Variants in BOD1L1 observed in about 807,000 individuals in gnomAD.
The protein encoded by BOD1L1 is biorientation of chromosomes in cell division protein 1-like 1.
BOD1L1 carries 86 observed loss-of-function variants against 240.7 expected under a neutral mutation model. That is an observed-to-expected ratio of 0.36 (90% CI 0.30 to 0.43). The LOEUF is 0.43. BOD1L1 is among the 20% of genes least tolerant of loss of function. The pLI is 1.00. For missense variants in BOD1L1, 3,554 were observed against 3,643.5 expected (o/e 0.98, Z 0.63); for synonymous variants, 1,268 against 1,272.3 (o/e 1.00, Z 0.07).
chr4:13,583,985 C>T (rs1192250392), intron 17 of BOD1L1, among the ~76,000 whole-genome samples: 3 of 152,150 alleles, frequency 2.0e-5, no homozygotes, highest in Non-Finnish European at 4.4e-5. Context: ...GACAGTACTA[C>T]ATAACTAGGT....
chr4:13,608,693 C>T (rs538874437), intron 7 of BOD1L1, 25 bp from the exon 8 acceptor site: 33 of 1,387,984 alleles, frequency 2.4e-5, no homozygotes, highest in South Asian at 1.1e-4. Context: ...ATCAATAAAA[C>T]GTATTTCAGA....
At chr4:13,614,873 A>G in intron 3 of BOD1L1, 63 bp from the exon 4 acceptor site, 1 of 1,445,176 alleles carries the variant, frequency 6.9e-7, no homozygotes, top group Non-Finnish European at 9.2e-7. Flanking sequence ...CTGCTAAATC[A>G]ATACCACATG....
Position 13,604,882 on chromosome 4 carries a change from G to A in BOD1L1, c.2018C>T (p.Thr673Ile). The change falls in exon 10 of 26, where the codon ACA (threonine) becomes ATA (isoleucine). Residue 673 changes from threonine to isoleucine, a missense_variant. Thr to Ile is a moderately conservative substitution (Grantham distance 89, BLOSUM62 -1). Coordinates refer to ENST00000040738, the MANE Select transcript of BOD1L1 (RefSeq NM_148894.3). ...IMEGVQEETDTRDVKRQVERS... is the reference protein window; with the variant it reads ...IMEGVQEETDIRDVKRQVERS... ...TTCTACTTGCCTTTTTACATCTCTT[G>A]TGTCAGTCTCTTCCTGTACCCCCTC... 6.2e-7 allele frequency: 1 copy of A among 1,612,788 alleles called. No individual in the cohort carries two copies. The highest frequency in any genetic ancestry group is 8.5e-7 in the Non-Finnish European group (1 of 1,179,606).
In BOD1L1 at chr4:13,601,898, T is replaced by C. The variant is rs778824613; in HGVS notation, c.5002A>G (p.Ser1668Gly). ...GSEEKCDGSL[S>G]RDSEIVEGTI... ...CCTTCAACTATTTCTGAGTCTCTAC[T>C]TAAAGAACCATCACATTTTTCTTCA... Residue 1668 changes from serine to glycine, a missense_variant, in exon 10 of 26, where the codon AGT becomes GGT. Coordinates refer to ENST00000040738, the MANE Select transcript of BOD1L1 (RefSeq NM_148894.3). The C allele has an allele frequency of 6.2e-6, 10 of 1,613,956 alleles. No homozygotes were observed. The South Asian group carries it at 9.9e-5, about 16-fold the overall frequency.
chr4:13,591,774 C>G (rs1714239198), intron 13 of BOD1L1, 149 bp downstream of exon 13: 2 of 542,890 alleles, frequency 3.7e-6, no homozygotes, highest in Non-Finnish European at 6.5e-6. Context: ...ATGCTGAACT[C>G]AAATGAAGAG....
Position 13,568,787 on chromosome 4 carries a change from T to C in BOD1L1, c.*1224A>G, listed in dbSNP as rs1711964282. 1 of 152,082 alleles carries C rather than the reference T, an allele frequency of 6.6e-6. No homozygotes were observed. The highest frequency in any genetic ancestry group is 1.5e-5 in the Non-Finnish European group (1 of 67,962). 9.4% of individuals were successfully genotyped at this position (152,082 alleles called of 1,614,324 possible). On this transcript the variant is annotated 3_prime_UTR_variant, in exon 26 of 26. Transcript: ENST00000040738. Reference sequence around the variant, plus strand: ...TATATAAAATCTCAGTAAGAAACCATGTAAAATGACAGAAATATCCACCTT... The same window carrying C: ...TATATAAAATCTCAGTAAGAAACCACGTAAAATGACAGAAATATCCACCTT...
chr4:13,615,220 T>G, intron 3 of BOD1L1, 92 bp downstream of exon 3: 1 of 1,289,798 alleles, frequency 7.8e-7, no homozygotes, highest in Non-Finnish European at 1.1e-6. Context: ...ATAGCCAAAT[T>G]AAAAAATGTG....
At position 13,605,096 on chromosome 4, in the gene BOD1L1, C is replaced by A; in HGVS notation, c.1816-12G>T. 1 of 1,511,406 alleles carries A rather than the reference C, an allele frequency of 6.6e-7. No homozygotes were observed. The highest frequency in any genetic ancestry group is 8.8e-7 in the Non-Finnish European group (1 of 1,135,852). 93.6% of individuals were successfully genotyped at this position (1,511,406 alleles called of 1,614,324 possible). The stretch of plus-strand genomic sequence containing the variant: ...TCCTTTTCACAATGCTGAAAGAAAA[C>A]AAAGGTTAAAATATGAGAAATACCA... On this transcript the variant is annotated splice_polypyrimidine_tract_variant and intron_variant, in intron 9 of 25. Transcript: ENST00000040738.
At position 13,607,049 on chromosome 4, in the gene BOD1L1, A is replaced by G; in HGVS notation, c.1815+68T>C. 7 of 1,041,990 alleles carry G rather than the reference A, an allele frequency of 6.7e-6. No homozygotes were observed. In the South Asian group the frequency reaches 8.6e-5, roughly 13 times the overall value. 64.5% of individuals were successfully genotyped at this position (1,041,990 alleles called of 1,614,324 possible). On this transcript the variant is annotated intron_variant, in intron 9 of 25. Coordinates refer to ENST00000040738, the MANE Select transcript of BOD1L1 (RefSeq NM_148894.3). ...AAAGTCAAATTACATTCTAAGTTTTACTCCAAAGGAATAAACAGCCTATAT... is the reference window on the plus strand; with the variant it reads ...AAAGTCAAATTACATTCTAAGTTTTGCTCCAAAGGAATAAACAGCCTATAT...
chr4:13,593,569 TG>T (rs1412397282), intron 12 of BOD1L1: 1 of 151,872 alleles, frequency 6.6e-6, no homozygotes, highest in Non-Finnish European at 1.5e-5. Context: ...GAAGATGGGG[TG>T]GGGGAAGAGA....
chr4:13,570,992 G>A (rs1712161878), intron 25 of BOD1L1, among the ~76,000 whole-genome samples: 1 of 152,132 alleles, frequency 6.6e-6, no homozygotes, highest in African/African-American at 2.4e-5. Context: ...AAAACAACAT[G>A]TTAATAGGAC....
intron 2 of BOD1L1, among the ~76,000 whole-genome samples, chr4:13,617,018 G>A (rs564184592): frequency 9.2e-5 from 14 of 152,180 alleles, no homozygotes; most frequent in African/African-American, 2.6e-4. Context: ...AGGCCAAGGC[G>A]GGCAGATCAC....
In BOD1L1 at chr4:13,602,800, G is replaced by A; in HGVS notation, c.4100C>T (p.Pro1367Leu). Residue 1367 changes from proline (P) to leucine (L), a missense_variant, in exon 10 of 26, where the codon CCA becomes CTA. Pro to Leu is a moderately conservative substitution (Grantham distance 98, BLOSUM62 -3). This residue lies in a region of BOD1L1 where 3,393 missense variants were observed against 3,427.1 expected (regional missense o/e 0.99). Transcript: ENST00000040738. ...KASITSKRHI[P>L]EAHQATLLDG... ...CAATAAAGTAGCCTGGTGAGCTTCT[G>A]GAATGTGTCTTTTGCTAGTGATGCT... 6.2e-7 allele frequency: 1 copy of A among 1,613,978 alleles called. No individual in the cohort carries two copies. Among genetic ancestry groups the A allele is most frequent in the Non-Finnish European group, 8.5e-7 (1 of 1,179,884 alleles).
In BOD1L1 at chr4:13,608,647, T is replaced by C. The variant is rs1715914162; in HGVS notation, c.1625A>G (p.Glu542Gly). Residue 542 changes from glutamate to glycine, a missense_variant, in exon 8 of 26, where the codon GAA (glutamate) becomes GGA (glycine). Glu to Gly is a moderately conservative substitution (Grantham distance 98). Transcript: ENST00000040738. ...KGQGRSSVDLEESSTKSLEPK... is the reference protein window; with the variant it reads ...KGQGRSSVDLGESSTKSLEPK... ...TTCCAAACTCTTTGTTGATGATTCT[T>C]CTAAGTCCACACTACTCCTGCCTAG... The C allele has an allele frequency of 6.5e-7, 1 of 1,539,778 alleles. No individual in the cohort carries two copies. The highest frequency in any genetic ancestry group is 1.4e-5 in the African/African-American group (1 of 71,374).
In BOD1L1 at chr4:13,582,754, A is replaced by G; in HGVS notation, c.8434-18T>C. On this transcript the variant is annotated intron_variant, in intron 17 of 25. Transcript: ENST00000040738. ...TTCTCTTCCTATAGAGAAGTTGAAA[A>G]AGACTAGAACCTTCTTCAAACTGAA... The G allele has an allele frequency of 1.9e-6, 3 of 1,547,046 alleles. No homozygotes were observed. Among genetic ancestry groups the G allele is most frequent in the South Asian group, 2.2e-5 (2 of 88,984 alleles).
chr4:13,604,192 A>C lies in BOD1L1; in HGVS notation c.2708T>G (p.Leu903Trp). 6.2e-7 allele frequency: 1 copy of C among 1,613,426 alleles called. No individual in the cohort carries two copies. Among genetic ancestry groups the C allele is most frequent in the South Asian group, 1.1e-5 (1 of 90,884 alleles). ...CTTCAACACAAGTTTCTCTTCTAAC[A>C]AGCTCTTTGTTCGTCGTTTCTCCTT... ...VHKEKRRTKS[L>W]LEEKLVLKSK... The change falls in exon 10 of 26, where the codon TTG becomes TGG. Residue 903 changes from leucine to tryptophan, a missense_variant. Coordinates refer to ENST00000040738, the MANE Select transcript of BOD1L1 (RefSeq NM_148894.3).
rs879932825 is a variant in BOD1L1, at chr4:13,613,136, C to T, written c.1324+376G>A. On this transcript the variant is annotated intron_variant, in intron 5 of 25. Coordinates refer to ENST00000040738, the MANE Select transcript of BOD1L1 (RefSeq NM_148894.3). The surrounding 1 kb of genome is among the most constrained non-coding windows in gnomAD (Gnocchi z 4.0). ...CCTTTTAGCAAATTATCAAATCTAA[C>T]GGTGGTCTTAGGGAACCCGGAACTT... Among the ~76,000 whole-genome samples the T allele has an allele frequency of 6.6e-6, 1 of 152,142 alleles. No homozygotes were observed. Among genetic ancestry groups the T allele is most frequent in the Non-Finnish European group, 1.5e-5 (1 of 68,024 alleles).
Position 13,610,993 on chromosome 4 carries a change from A to G in BOD1L1, c.1432T>C (p.Ser478Pro). The G allele has an allele frequency of 6.2e-7, 1 of 1,612,918 alleles. No homozygotes were observed. The highest frequency in any genetic ancestry group is 1.1e-5 in the South Asian group (1 of 90,946). Residue 478 changes from serine (S) to proline (P), a missense_variant, in exon 6 of 26, where the codon TCA (serine) becomes CCA (proline). By Grantham distance (74) the Ser-to-Pro change is moderately conservative (BLOSUM62 -1). Transcript: ENST00000040738. ...TCATCAGAATCACTATAGTATTTTGAGTAAAGATATGGTTTGTGGACATAC... is the reference window on the plus strand; with the variant it reads ...TCATCAGAATCACTATAGTATTTTGGGTAAAGATATGGTTTGTGGACATAC... Reference protein sequence around the residue: ...HAYVHKPYLYSKYYSDSDDEL... With the variant: ...HAYVHKPYLYPKYYSDSDDEL...
In BOD1L1 at chr4:13,603,645, T is replaced by C; in HGVS notation, c.3255A>G (p.Gly1085=). The C allele has an allele frequency of 6.2e-7, 1 of 1,613,894 alleles. No individual in the cohort carries two copies. The highest frequency in any genetic ancestry group is 8.5e-7 in the Non-Finnish European group (1 of 1,179,860). ...RGSLSQEMAK[G]EEKLAANTLS... is the part of the protein sequence containing the mutation. Reference sequence around the variant, plus strand: ...AAGTGTTTGCTGCTAATTTTTCTTCTCCTTTGGCCATTTCTTGTGACAAGC... The same window carrying C: ...AAGTGTTTGCTGCTAATTTTTCTTCCCCTTTGGCCATTTCTTGTGACAAGC... Residue 1085 remains glycine, a synonymous_variant, in exon 10 of 26, where the codon GGA becomes GGG. Transcript: ENST00000040738.
Sources: gnomAD v4.1 joint callset for allele counts (sites outside exome capture counted in the v4.1 genomes callset) on GRCh38, gnomAD v4.1.1 for gene constraint, gnomAD v4.1.1 regional missense constraint, Gnocchi (gnomAD v3.1) non-coding constraint, MANE v1.5 for transcripts, NCBI Gene and HGNC (gene_info 2026-07-23, HGNC 2026-07-21) for gene names.